Variants in APLP1 observed in about 807,000 individuals in gnomAD.
APLP1 encodes amyloid beta (A4) precursor-like protein 1.
Under a neutral mutation model 84.5 loss-of-function variants are expected in APLP1, and 46 were observed. The observed-to-expected ratio is 0.54, with a 90% CI of 0.43 to 0.70. The LOEUF (loss-of-function observed/expected upper bound fraction) is 0.70. Among genes scored for constraint, APLP1 ranks in the 30% least tolerant of loss-of-function variants. The pLI is 0.00. For synonymous variants in APLP1, 376 were observed against 364.0 expected, an observed-to-expected ratio of 1.03 and a Z score of -0.38; for missense variants, 826 against 900.2, an observed-to-expected ratio of 0.92 and a Z score of 1.05.
At chr19:35,878,236 T>A in intron 13 of APLP1, 128 bp downstream of exon 13, 1 of 1,036,350 alleles carries the variant, frequency 9.6e-7, no homozygotes, top group Non-Finnish European at 1.4e-6. Context: ...TCCAGCCCCC[T>A]CCTCTGGACC....
chr19:35,878,974 T>C (rs760442747), intron 15 of APLP1, 22 bp downstream of exon 15: 2 of 1,613,738 alleles, frequency 1.2e-6, no homozygotes, highest in East Asian at 4.5e-5. Flanking sequence ...AACAGCCGGG[T>C]ACCTAGGGGA....
At position 35,879,466 on chromosome 19, in the gene APLP1, C is replaced by T. The variant is rs763171238; in HGVS notation, c.*25C>T. On this transcript the variant is annotated 3_prime_UTR_variant, in exon 17 of 17. Coordinates refer to ENST00000221891, the MANE Select transcript of APLP1 (RefSeq NM_001024807.3). ...ACCCGGCCCCCTTCACCCCTTCAGC[C>T]GAGCCCAGACCTCCCCTCTTCCTGG... The T allele has an allele frequency of 2.5e-6, 4 of 1,605,326 alleles. No individual in the cohort carries two copies. The African/African-American group carries it at 4.0e-5, about 16-fold the overall frequency.
intron 6 of APLP1, among the ~76,000 whole-genome samples, 176 bp downstream of exon 6, chr19:35,872,212 G>A (rs946426102): frequency 6.6e-6 from 1 of 152,034 alleles, no homozygotes; most frequent in African/African-American, 2.4e-5. Flanking sequence ...GCCAAGGGAG[G>A]GGGTGGTTTG....
In APLP1 at chr19:35,877,795, G is replaced by T; in HGVS notation, c.1522G>T (p.Gly508Cys). 1 of 1,610,724 alleles carries T rather than the reference G, an allele frequency of 6.2e-7. No individual in the cohort carries two copies. Among genetic ancestry groups the T allele is most frequent in the Non-Finnish European group, 8.5e-7 (1 of 1,179,084 alleles). ...PAPGGSSEDK[G>C]GLQPPDSKDA... is the part of the protein sequence containing the mutation. The stretch of plus-strand genomic sequence containing the variant: ...CCCTGGGGGCAGCAGCGAGGACAAG[G>T]GTGGGCTGCAGCCTCCAGATTCCAA... Residue 508 changes from glycine to cysteine, a missense_variant, in exon 12 of 17, where the codon GGT becomes TGT. This residue lies in a region of APLP1 where 433 missense variants were observed against 496.5 expected (regional missense o/e 0.87). Coordinates refer to ENST00000221891, the MANE Select transcript of APLP1 (RefSeq NM_001024807.3).
rs1974368371 is a variant in APLP1, at chr19:35,879,448, C to A, written c.*7C>A. ...CCTGGAGGAACGACCCTGACCCGGC[C>A]CCCTTCACCCCTTCAGCCGAGCCCA... On this transcript the variant is annotated 3_prime_UTR_variant, in exon 17 of 17. Coordinates refer to ENST00000221891, the MANE Select transcript of APLP1 (RefSeq NM_001024807.3). 1 of 1,611,764 alleles carries A rather than the reference C, an allele frequency of 6.2e-7. No individual in the cohort carries two copies. Among genetic ancestry groups the A allele is most frequent in the Non-Finnish European group, 8.5e-7 (1 of 1,179,264 alleles).
chr19:35,878,166 A>G (rs1348076294), intron 13 of APLP1, 58 bp downstream of exon 13: 1 of 1,565,626 alleles, frequency 6.4e-7, no homozygotes. Flanking sequence ...TGAACCCAGA[A>G]GGAAACAGGG....
At position 35,878,658 on chromosome 19, in the gene APLP1, A is replaced by C; in HGVS notation, c.1650+4A>C. On this transcript the variant is annotated splice_donor_region_variant and intron_variant, in intron 14 of 16. Transcript: ENST00000221891. ...GCTGGAACAGTATGAGCGAAAGGTA[A>C]GTTAGTCAGAACTGTGGGCTCCCTA... 6.2e-7 allele frequency: 1 copy of C among 1,614,112 alleles called. No homozygotes were observed. Among genetic ancestry groups the C allele is most frequent in the East Asian group, 2.2e-5 (1 of 44,880 alleles).
rs904695117 is a variant in APLP1 at position 35,878,433 on chromosome 19, C to A, written c.1580-151C>A. 1.2e-5 allele frequency: 9 copies of A among 757,480 alleles called. No individual in the cohort carries two copies. In the African/African-American group the frequency reaches 1.4e-4, roughly 12 times the overall value. The allele number at this position is 757,480 out of a possible 1,614,324, so 46.9% of individuals were successfully genotyped here. On this transcript the variant is annotated intron_variant, in intron 13 of 16. Transcript: ENST00000221891. The stretch of plus-strand genomic sequence containing the variant: ...TGGTGGGGCATGTCTGTAGTCCCAG[C>A]TGCTCAGGAGGCTGACGTAGAAGGA...
At chr19:35,870,183 C>G (rs1044930322) in intron 2 of APLP1, 2 of 282,676 alleles carry the variant, frequency 7.1e-6, no homozygotes, top group Non-Finnish European at 1.3e-5. Flanking sequence ...CATGAAAAGA[C>G]AAATTTATAA....
At chr19:35,872,142 C>G in intron 6 of APLP1, 106 bp downstream of exon 6, 1 of 1,344,636 alleles carries the variant, frequency 7.4e-7, no homozygotes, top group Non-Finnish European at 1.0e-6. Flanking sequence ...GGGGAAAGGC[C>G]CAACTGAGGA....
intron 4 of APLP1, 44 bp from the exon 5 acceptor site, chr19:35,871,568 C>A (rs1327083579): frequency 6.2e-7 from 1 of 1,611,118 alleles, no homozygotes; most frequent in South Asian, 1.1e-5. Flanking sequence ...CATCTACCCC[C>A]TCCCATCCCA....
At position 35,879,581 on chromosome 19, in the gene APLP1, AT is replaced by A; in HGVS notation, c.*143del. ...TTTTGTGAGACGGCTGGAAATTCTTATTTCCCCTTTCCAATTCCAAAATTCC... is the reference window on the plus strand; with the variant it reads ...TTTTGTGAGACGGCTGGAAATTCTTATTCCCCTTTCCAATTCCAAAATTCC... On this transcript the variant is annotated 3_prime_UTR_variant, in exon 17 of 17. Coordinates refer to ENST00000221891, the MANE Select transcript of APLP1 (RefSeq NM_001024807.3). The A allele has an allele frequency of 1.4e-6, 1 of 707,310 alleles. No individual in the cohort carries two copies. Among genetic ancestry groups the A allele is most frequent in the Non-Finnish European group, 2.3e-6 (1 of 436,178 alleles). 43.8% of individuals were successfully genotyped at this position (707,310 alleles called of 1,614,324 possible).
rs137921081 is a variant in APLP1, at chr19:35,869,735, C to G, written c.216C>G (p.Gly72=). ...RLTLHRDLRT[G]RWEPDPQRSR... is the part of the protein sequence containing the mutation. ...CCCTTCACCGGGACCTGCGCACCGG[C>G]CGCTGGGAACCAGACCCACAGCGCT... The change falls in exon 2 of 17, where the codon GGC becomes GGG. Residue 72 remains glycine (G), a synonymous_variant. Transcript: ENST00000221891. 6.2e-7 allele frequency: 1 copy of G among 1,610,756 alleles called. No homozygotes were observed. Among genetic ancestry groups the G allele is most frequent in the Non-Finnish European group, 8.5e-7 (1 of 1,179,230 alleles).
intron 7 of APLP1, among the ~76,000 whole-genome samples, chr19:35,873,245 C>CTTTTTTTTTTTTTT (rs74172771): frequency 7.9e-6 from 1 of 125,820 alleles, no homozygotes; most frequent in African/African-American, 2.9e-5. Context: ...GCCTTTAAAT[C>CTTTTTTTTTTTTTT]TTTTTTTTTT....
Position 35,868,960 on chromosome 19 carries a change from G to C in APLP1, c.147+177G>C. On this transcript the variant is annotated intron_variant, in intron 1 of 16. Coordinates refer to ENST00000221891, the MANE Select transcript of APLP1 (RefSeq NM_001024807.3). The surrounding 1 kb of genome is among the most constrained non-coding windows in gnomAD (Gnocchi z 5.2). ...CCAGGCCCCAGCTCCCCCATCATGC[G>C]ACGTCCCAGCCCCCTCCCATCTCGA... 1 of 408,706 alleles carries C rather than the reference G, an allele frequency of 2.4e-6. No homozygotes were observed. The allele number at this position is 408,706 out of a possible 1,614,324, so 25.3% of individuals were successfully genotyped here. A position where few individuals can be genotyped will look rare whatever the true frequency, so the allele number is the denominator to read the frequency against.
In APLP1 at chr19:35,879,467, G is replaced by A. The variant is rs1231536712; in HGVS notation, c.*26G>A. On this transcript the variant is annotated 3_prime_UTR_variant, in exon 17 of 17. Coordinates refer to ENST00000221891, the MANE Select transcript of APLP1 (RefSeq NM_001024807.3). ...CCCGGCCCCCTTCACCCCTTCAGCC[G>A]AGCCCAGACCTCCCCTCTTCCTGGA... The A allele has an allele frequency of 2.5e-6, 4 of 1,605,194 alleles. No homozygotes were observed. The highest frequency in any genetic ancestry group is 1.1e-5 in the South Asian group (1 of 90,632).
At chr19:35,876,001 C>T (rs1461992314) in intron 10 of APLP1, among the ~76,000 whole-genome samples, 3 of 152,076 alleles carry the variant, frequency 2.0e-5, no homozygotes, top group African/African-American at 7.3e-5. Flanking sequence ...TCTCAAACTC[C>T]TGACCTCAGG....
At chr19:35,869,943 T>C in intron 2 of APLP1, 133 bp downstream of exon 2, 1 of 1,183,846 alleles carries the variant, frequency 8.4e-7, no homozygotes, top group Non-Finnish European at 1.2e-6. Context: ...GCAACTATGC[T>C]AGGGGCAGGG....
Position 35,878,478 on chromosome 19 carries a change from T to C in APLP1, c.1580-106T>C, listed in dbSNP as rs973561056. On this transcript the variant is annotated intron_variant, in intron 13 of 16. Coordinates refer to ENST00000221891, the MANE Select transcript of APLP1 (RefSeq NM_001024807.3). ...GAAGGATCACTGGAGCCCAGGAAGT[T>C]GAGGCTGCAGTGAGCTGAGATCATG... The C allele has an allele frequency of 9.1e-5, 106 of 1,163,574 alleles. 1 individual carries two copies. In the South Asian group the frequency reaches 1.3e-3, roughly 14 times the overall value. 72.1% of individuals were successfully genotyped at this position (1,163,574 alleles called of 1,614,324 possible).
Sources: allele counts gnomAD v4.1 joint callset (sites outside exome capture counted in the v4.1 genomes callset), GRCh38; gene constraint gnomAD v4.1.1; regional missense constraint gnomAD v4.1.1; non-coding constraint Gnocchi (gnomAD v3.1); transcripts MANE v1.5; gene names NCBI Gene and HGNC (gene_info 2026-07-23, HGNC 2026-07-21).